Variants in FNBP1 observed in about 807,000 individuals in gnomAD.
FNBP1 encodes the protein formin-binding protein 1.
Under a neutral mutation model 90.6 loss-of-function variants are expected in FNBP1, and 26 were observed. The ratio of observed to expected loss-of-function variants is 0.29; its 90% CI spans 0.21 to 0.40. The LOEUF (loss-of-function observed/expected upper bound fraction) is 0.40. Among genes scored for constraint, FNBP1 ranks in the 10% least tolerant of loss-of-function variants. The pLI is 1.00. For synonymous variants in FNBP1, 260 were observed against 265.2 expected (o/e 0.98, Z 0.19); for missense variants, 635 against 768.0 (o/e 0.83, Z 2.05).
intron 1 of FNBP1, among the ~76,000 whole-genome samples, chr9:130,005,953 T>G (rs1299035274): frequency 6.6e-6 from 1 of 151,808 alleles, no homozygotes; most frequent in African/African-American, 2.4e-5. Context: ...TAGGGTGCTG[T>G]GCTCCCTGGG....
At chr9:130,040,440 G>A (rs1374594383) in intron 1 of FNBP1, among the ~76,000 whole-genome samples, 1 of 151,888 alleles carries the variant, frequency 6.6e-6, no homozygotes, top group Non-Finnish European at 1.5e-5. Flanking sequence ...CCAACACGGC[G>A]AAACCCCGTC....
rs553841866 is a variant in FNBP1 at position 130,031,978 on chromosome 9, A to G, written c.24+10974T>C. Among the ~76,000 whole-genome samples, 318 of 152,012 alleles carry G rather than the reference A, an allele frequency of 2.1e-3. No homozygotes were observed. The highest frequency in any genetic ancestry group is 0.017 in the Middle Eastern group (5 of 294). On this transcript the variant is annotated intron_variant, in intron 1 of 16. Coordinates refer to ENST00000446176, the MANE Select transcript of FNBP1 (RefSeq NM_015033.3). This position sits in a 1 kb window ranked among gnomAD's most constrained non-coding sequence, Gnocchi z 4.2. ...CGCCTGGCCTGATGAAATTTTTACA[A>G]TTTTGTTTGGTTTCCTTTTATGTAC...
intron 6 of FNBP1, among the ~76,000 whole-genome samples, chr9:129,934,516 C>G (rs772007982): frequency 2.0e-5 from 3 of 151,922 alleles, no homozygotes; most frequent in Non-Finnish European, 4.4e-5. Context: ...GGGAATCTCC[C>G]TCAAATAAAT....
chr9:129,905,986 C>A (rs1037624359), intron 12 of FNBP1, among the ~76,000 whole-genome samples: 1 of 151,486 alleles, frequency 6.6e-6, no homozygotes, highest in Non-Finnish European at 1.5e-5. Context: ...TGGGTTCAAG[C>A]GACTCTCCTG....
At chr9:129,997,375 T>G (rs2054172682) in intron 1 of FNBP1, among the ~76,000 whole-genome samples, 1 of 152,186 alleles carries the variant, frequency 6.6e-6, no homozygotes, top group Non-Finnish European at 1.5e-5. Context: ...AATGTTTGTC[T>G]TTATGACTAA....
chr9:129,963,634 T>TTTTA (rs139393699), intron 4 of FNBP1, among the ~76,000 whole-genome samples: 88 of 107,712 alleles, frequency 8.2e-4, no homozygotes, highest in South Asian at 3.5e-3. Flanking sequence ...TTTTTTTTTT[T>TTTTA]AAAAAAACAA....
chr9:130,039,352 C>A (rs568275109), intron 1 of FNBP1, among the ~76,000 whole-genome samples: 2 of 152,234 alleles, frequency 1.3e-5, no homozygotes, highest in East Asian at 3.9e-4. Context: ...GAGTTGTAAA[C>A]TATTTTATTA....
rs71385491 is a variant in FNBP1 at position 129,948,356 on chromosome 9, C to CTTTTTTTTTTTTTTTTTTTT, written c.513+8984_513+9003dup. 7.6e-4 allele frequency among the ~76,000 whole-genome samples: 49 copies of CTTTTTTTTTTTTTTTTTTTT among 64,480 alleles called. 4 individuals are homozygous for CTTTTTTTTTTTTTTTTTTTT. Among genetic ancestry groups the CTTTTTTTTTTTTTTTTTTTT allele is most frequent in the Middle Eastern group, 0.011 (1 of 88 alleles). 42.3% of individuals were successfully genotyped at this position (64,480 alleles called of 152,430 possible). A position where few individuals can be genotyped will look rare whatever the true frequency, so the allele number is the denominator to read the frequency against. On this transcript the variant is annotated intron_variant, in intron 6 of 16. Transcript: ENST00000446176. ...TCATACAAAACACCTATTTTGGTGT[C>CTTTTTTTTTTTTTTTTTTTT]TTTTTTTTTTTTTTTTTTTTTTTTT... is the stretch of plus-strand genomic sequence containing the variant.
At chr9:130,048,071 A>G (rs12683145), upstream of FNBP1, among the ~76,000 whole-genome samples, 134,147 of 151,822 alleles carry the variant, frequency 0.88, 60,234 homozygotes, top group East Asian at 0.97. Context: ...TGTAATCCCA[A>G]CACTTTAGGA....
At chr9:130,012,276 G>T (rs1564571813) in intron 1 of FNBP1, among the ~76,000 whole-genome samples, 1 of 152,160 alleles carries the variant, frequency 6.6e-6, no homozygotes. Context: ...CTCAAAAGAG[G>T]ATAGAAGCAG....
At chr9:129,963,453 C>T (rs2048122135) in intron 4 of FNBP1, among the ~76,000 whole-genome samples, 2 of 152,042 alleles carry the variant, frequency 1.3e-5, no homozygotes, top group South Asian at 4.1e-4. Context: ...GTTTAAGGCA[C>T]GGTGTGCACC....
chr9:129,895,700 C>T, intron 16 of FNBP1, 138 bp downstream of exon 16: 1 of 1,361,756 alleles, frequency 7.3e-7, no homozygotes. Flanking sequence ...CCACGTGAGA[C>T]TACAGGAGAA....
chr9:129,957,038 T>C lies in FNBP1; in HGVS notation c.513+322A>G, dbSNP rs2047050811. On this transcript the variant is annotated intron_variant, in intron 6 of 16. Transcript: ENST00000446176. This position sits in a 1 kb window ranked among gnomAD's most constrained non-coding sequence, Gnocchi z 4.3. ...ATGAAAGACACACTTGAGCTTTCTT[T>C]TGTCTTTTTTTTTTTTTGGCGATAG... Among the ~76,000 whole-genome samples the C allele has an allele frequency of 3.0e-5, 2 of 67,672 alleles. No homozygotes were observed. The highest frequency in any genetic ancestry group is 1.6e-3 in the South Asian group (2 of 1,278). The allele number at this position is 67,672 out of a possible 152,430, so 44.4% of individuals were successfully genotyped here.
chr9:129,990,428 T>A (rs1243394616), intron 2 of FNBP1, among the ~76,000 whole-genome samples: 1 of 151,938 alleles, frequency 6.6e-6, no homozygotes, highest in Non-Finnish European at 1.5e-5. Flanking sequence ...ATAGGTGATA[T>A]CTACATGGAA....
At chr9:129,998,099 G>A (rs2054275962) in intron 1 of FNBP1, among the ~76,000 whole-genome samples, 1 of 150,558 alleles carries the variant, frequency 6.6e-6, no homozygotes, top group Non-Finnish European at 1.5e-5. Flanking sequence ...AGGAGGCTGA[G>A]GCAGGAGAAT....
At chr9:130,045,814 C>T (rs146170896), upstream of FNBP1, among the ~76,000 whole-genome samples, 8 of 152,290 alleles carry the variant, frequency 5.3e-5, no homozygotes, top group East Asian at 1.5e-3. Flanking sequence ...TAAAATATAG[C>T]ACAGCATTTT....
chr9:129,928,288 A>C (rs1189543222), intron 7 of FNBP1, among the ~76,000 whole-genome samples: 2 of 152,248 alleles, frequency 1.3e-5, no homozygotes, highest in Non-Finnish European at 2.9e-5. Context: ...TGCTGCTTTG[A>C]CTTCTATAGT....
At chr9:130,029,814 T>C (rs1336838084) in intron 1 of FNBP1, among the ~76,000 whole-genome samples, 1 of 151,292 alleles carries the variant, frequency 6.6e-6, no homozygotes, top group African/African-American at 2.4e-5. Flanking sequence ...CGAGACAACA[T>C]CTCTACAAAA....
Position 129,889,245 on chromosome 9 carries a change from C to A in FNBP1, c.*1294G>T. On this transcript the variant is annotated 3_prime_UTR_variant, in exon 17 of 17. Coordinates refer to ENST00000446176, the MANE Select transcript of FNBP1 (RefSeq NM_015033.3). ...GGTGGCGGCGGGATCCCTCAAAGGA[C>A]CACGAGAGGCACGGGGTCTTTGGTG... The A allele has an allele frequency of 5.1e-6, 1 of 195,842 alleles. No individual in the cohort carries two copies. Among genetic ancestry groups the A allele is most frequent in the Non-Finnish European group, 1.1e-5 (1 of 93,922 alleles). 12.1% of individuals were successfully genotyped at this position (195,842 alleles called of 1,614,324 possible). A position where few individuals can be genotyped will look rare whatever the true frequency, so the allele number is the denominator to read the frequency against.
Sources: allele counts gnomAD v4.1 joint callset (sites outside exome capture counted in the v4.1 genomes callset), GRCh38; gene constraint gnomAD v4.1.1; non-coding constraint Gnocchi (gnomAD v3.1); transcripts MANE v1.5; gene names NCBI Gene and HGNC (gene_info 2026-07-23, HGNC 2026-07-21).